The following PTPRM variants were observed in gnomAD, a reference collection of about 807,000 sequenced individuals.
PTPRM encodes the protein receptor-type tyrosine-protein phosphatase mu.
PTPRM carries 47 observed loss-of-function variants against 186.7 expected under a neutral mutation model. The observed-to-expected ratio is 0.25, with a 90% CI of 0.20 to 0.32. PTPRM has a LOEUF of 0.32. Among genes scored for constraint, PTPRM ranks in the 10% least tolerant of loss-of-function variants. PTPRM has a pLI of 1.00. For synonymous variants in PTPRM, 668 were observed against 674.9 expected (o/e 0.99, Z 0.16); for missense variants, 1,494 against 1,865.0 (o/e 0.80, Z 3.66).
chr18:8,285,778 GC>G (rs754581849), intron 19 of PTPRM, among the ~76,000 whole-genome samples: 2 of 152,156 alleles, frequency 1.3e-5, no homozygotes, highest in African/African-American at 2.4e-5. Flanking sequence ...GCTCCCTTGA[GC>G]CCAGGGGTTC....
At chr18:7,609,919 G>C (rs2143838196) in intron 1 of PTPRM, among the ~76,000 whole-genome samples, 1 of 152,292 alleles carries the variant, frequency 6.6e-6, no homozygotes, top group African/African-American at 2.4e-5. Flanking sequence ...CTGGTAATAA[G>C]AGTTGTGGCA....
intron 20 of PTPRM, among the ~76,000 whole-genome samples, chr18:8,298,526 G>T (rs2095120615): frequency 6.6e-6 from 1 of 152,152 alleles, no homozygotes; most frequent in Non-Finnish European, 1.5e-5. Flanking sequence ...GTATAGTTTA[G>T]TACCTCCTCA....
intron 1 of PTPRM, among the ~76,000 whole-genome samples, chr18:7,589,013 C>A (rs1367768344): frequency 6.6e-6 from 1 of 152,088 alleles, no homozygotes; most frequent in Admixed American, 6.6e-5. Flanking sequence ...CCATGCTTGG[C>A]TGATTTTTAA....
intron 2 of PTPRM, among the ~76,000 whole-genome samples, chr18:7,832,379 G>A (rs1164820187): frequency 6.6e-6 from 1 of 152,164 alleles, no homozygotes; most frequent in Non-Finnish European, 1.5e-5. Flanking sequence ...GATGACCAGT[G>A]ATATTGAACA....
intron 1 of PTPRM, among the ~76,000 whole-genome samples, chr18:7,652,737 A>G (rs1181281134): frequency 8.5e-6 from 1 of 117,254 alleles, no homozygotes; most frequent in Non-Finnish European, 1.6e-5. Context: ...GGAACATCAC[A>G]CTCTGGGGAC....
intron 17 of PTPRM, among the ~76,000 whole-genome samples, chr18:8,249,796 G>A (rs2094510711): frequency 6.6e-6 from 1 of 152,124 alleles, no homozygotes; most frequent in African/African-American, 2.4e-5. Context: ...TACTGAAAGG[G>A]AATCACTTGG....
In PTPRM at chr18:8,248,141, G is replaced by A. The variant is rs766652535; in HGVS notation, c.2528-9G>A. 2 of 1,530,322 alleles carry A rather than the reference G, an allele frequency of 1.3e-6. No homozygotes were observed. The highest frequency in any genetic ancestry group is 1.7e-5 in the Admixed American group (1 of 59,862). 94.8% of individuals were successfully genotyped at this position (1,530,322 alleles called of 1,614,324 possible). A position where few individuals can be genotyped will look rare whatever the true frequency, so the allele number is the denominator to read the frequency against. On this transcript the variant is annotated splice_polypyrimidine_tract_variant and intron_variant, in intron 16 of 32. Coordinates refer to ENST00000580170, the MANE Select transcript of PTPRM (RefSeq NM_001105244.2). The stretch of plus-strand genomic sequence containing the variant: ...TTCTCTGCATTGACCTGCTTACGGT[G>A]TATGACAGACCCATTTGTGCCAACT...
At chr18:7,596,881 A>C (rs1302519069) in intron 1 of PTPRM, among the ~76,000 whole-genome samples, 1 of 149,562 alleles carries the variant, frequency 6.7e-6, no homozygotes, top group Non-Finnish European at 1.5e-5. Flanking sequence ...TTTTTCAGAC[A>C]GTTTCTCTGT....
intron 8 of PTPRM, among the ~76,000 whole-genome samples, chr18:8,074,741 A>G (rs986003360): frequency 2.0e-5 from 3 of 152,092 alleles, no homozygotes; most frequent in Non-Finnish European, 2.9e-5. Flanking sequence ...CCCATTTCTA[A>G]TTGTACTATT....
chr18:8,386,684 C>G lies in PTPRM; in HGVS notation c.4045-388C>G, dbSNP rs535060020. ...GCTCACAGGAAGCAGTGTTCTCTATCTTCACACTGAGCTCAGAGACATTTC... is the reference window on the plus strand; with the variant it reads ...GCTCACAGGAAGCAGTGTTCTCTATGTTCACACTGAGCTCAGAGACATTTC... On this transcript the variant is annotated intron_variant, in intron 30 of 32. Coordinates refer to ENST00000580170, the MANE Select transcript of PTPRM (RefSeq NM_001105244.2). 1.0e-3 allele frequency among the ~76,000 whole-genome samples: 159 copies of G among 152,332 alleles called. 2 individuals carry two copies. Among genetic ancestry groups the G allele is most frequent in the African/African-American group, 3.8e-3 (157 of 41,574 alleles).
At chr18:7,982,421 A>AG (rs558706886) in intron 7 of PTPRM, among the ~76,000 whole-genome samples, 348 of 151,814 alleles carry the variant, frequency 2.3e-3, no homozygotes, top group African/African-American at 7.9e-3. Context: ...GAAGGTCTTC[A>AG]GGGGGCAGTA....
rs528999991 is a variant in PTPRM at position 8,290,194 on chromosome 18, A to G, written c.2755-6174A>G. On this transcript the variant is annotated intron_variant, in intron 19 of 32. Transcript: ENST00000580170. The stretch of plus-strand genomic sequence containing the variant: ...AAATTTCACAGACTTTGCATGCCCC[A>G]GTGAGTTCATCTTCCTTCTTTCAGG... 1.5e-3 allele frequency among the ~76,000 whole-genome samples: 235 copies of G among 152,310 alleles called. 1 individual carries two copies. The highest frequency in any genetic ancestry group is 5.5e-3 in the African/African-American group (229 of 41,568).
At position 8,387,084 on chromosome 18, in the gene PTPRM, T is replaced by C; in HGVS notation, c.4057T>C (p.Tyr1353His). ...IYNAARPQDG[Y>H]RMVQQFQFLG... The stretch of plus-strand genomic sequence containing the variant: ...TTGTTCTTCGTAGCCCCAAGATGGA[T>C]ATCGGATGGTGCAGCAATTCCAGTT... The change falls in exon 31 of 33, where the codon TAT becomes CAT. Residue 1353 changes from tyrosine (Y) to histidine (H), a missense_variant. By Grantham distance (83) the Tyr-to-His change is moderately conservative (BLOSUM62 2). This residue lies in a region of PTPRM where 1,107 missense variants were observed against 1,350.2 expected (regional missense o/e 0.82). Coordinates refer to ENST00000580170, the MANE Select transcript of PTPRM (RefSeq NM_001105244.2). The C allele has an allele frequency of 6.2e-7, 1 of 1,607,064 alleles. No individual in the cohort carries two copies. The highest frequency in any genetic ancestry group is 8.5e-7 in the Non-Finnish European group (1 of 1,173,628).
At chr18:8,260,539 G>A (rs1176063688) in intron 19 of PTPRM, among the ~76,000 whole-genome samples, 1 of 152,020 alleles carries the variant, frequency 6.6e-6, no homozygotes, top group African/African-American at 2.4e-5. Context: ...CATGAGGATG[G>A]CACCAACCCA....
intron 2 of PTPRM, among the ~76,000 whole-genome samples, chr18:7,779,579 CT>C (rs1247570707): frequency 1.3e-5 from 2 of 152,288 alleles, no homozygotes; most frequent in African/African-American, 4.8e-5. Context: ...TTTGGATGCA[CT>C]TATCAGGCAC....
At chr18:7,748,374 C>T (rs1483316679) in intron 1 of PTPRM, among the ~76,000 whole-genome samples, 3 of 152,202 alleles carry the variant, frequency 2.0e-5, no homozygotes, top group East Asian at 1.9e-4. Context: ...ACAGCACCTG[C>T]CAAGCTCCTT....
intron 7 of PTPRM, among the ~76,000 whole-genome samples, chr18:8,015,093 G>A (rs1347588474): frequency 6.6e-6 from 1 of 152,084 alleles, no homozygotes; most frequent in Non-Finnish European, 1.5e-5. Flanking sequence ...GAACTTACTG[G>A]TGACTCAGTC....
intron 32 of PTPRM, among the ~76,000 whole-genome samples, chr18:8,400,825 G>T (rs1009536862): frequency 6.6e-6 from 1 of 152,180 alleles, no homozygotes; most frequent in Non-Finnish European, 1.5e-5. Flanking sequence ...TGTATAGGCT[G>T]TCCCTCAATA....
intron 1 of PTPRM, among the ~76,000 whole-genome samples, chr18:7,678,447 C>T (rs987780205): frequency 6.6e-6 from 1 of 152,134 alleles, no homozygotes; most frequent in Non-Finnish European, 1.5e-5. Flanking sequence ...GCAGGGAGCA[C>T]TGAGAGGAGT....
Sources: gnomAD v4.1 joint callset for allele counts (sites outside exome capture counted in the v4.1 genomes callset) on GRCh38, gnomAD v4.1.1 for gene constraint, gnomAD v4.1.1 regional missense constraint, MANE v1.5 for transcripts, NCBI Gene and HGNC (gene_info 2026-07-23, HGNC 2026-07-21) for gene names.